The following ATP1B3 variants were observed in gnomAD, a reference collection of about 807,000 sequenced individuals.
The protein encoded by ATP1B3 is sodium/potassium-transporting ATPase subunit beta-3.
Under a neutral mutation model 30.2 loss-of-function variants are expected in ATP1B3, and 10 were observed. That is an observed-to-expected ratio of 0.33 (90% CI 0.20 to 0.56). ATP1B3 has a LOEUF of 0.56. Ranked by LOEUF, ATP1B3 falls within the 20% of genes least tolerant of loss-of-function variation. The probability of loss-of-function intolerance (pLI) is 0.90; values close to 1 mark genes in which losing one functional copy is unlikely to be tolerated. For synonymous variants in ATP1B3, 113 were observed against 117.0 expected (o/e 0.97, Z 0.22); for missense variants, 238 against 336.7 (o/e 0.71, Z 2.29).
intron 5 of ATP1B3, among the ~76,000 whole-genome samples, chr3:141,919,226 A>T (rs978754156): frequency 6.6e-6 from 1 of 150,450 alleles, no homozygotes; most frequent in African/African-American, 2.4e-5. Context: ...TTGTTTTTAT[A>T]CAAGTTAGAG....
At chr3:141,920,853 A>G (rs1934552433) in intron 5 of ATP1B3, among the ~76,000 whole-genome samples, 1 of 152,054 alleles carries the variant, frequency 6.6e-6, no homozygotes, top group Non-Finnish European at 1.5e-5. Context: ...CATATTCATC[A>G]TCTGGATCAT....
At chr3:141,879,322 T>C (rs1187072482) in intron 1 of ATP1B3, among the ~76,000 whole-genome samples, 1 of 152,338 alleles carries the variant, frequency 6.6e-6, no homozygotes, top group African/African-American at 2.4e-5. Flanking sequence ...ATGGGATTTC[T>C]AGGCCATTCA....
chr3:141,885,910 CA>C (rs1199503301), intron 1 of ATP1B3, among the ~76,000 whole-genome samples: 5 of 151,538 alleles, frequency 3.3e-5, no homozygotes, highest in African/African-American at 1.2e-4. Context: ...CACACACACA[CA>C]CACACACACA....
intron 1 of ATP1B3, among the ~76,000 whole-genome samples, chr3:141,902,539 C>T (rs1180280557): frequency 6.6e-6 from 1 of 152,190 alleles, no homozygotes; most frequent in Non-Finnish European, 1.5e-5. Flanking sequence ...TACTTGTTGG[C>T]AGCCACTTCT....
intron 1 of ATP1B3, 149 bp downstream of exon 1, chr3:141,877,059 G>A: frequency 2.3e-6 from 1 of 437,554 alleles, no homozygotes; most frequent in South Asian, 8.2e-5. Flanking sequence ...GGCGCAGTGC[G>A]GCCCCATTCA....
chr3:141,911,708 T>C (rs1334740991), intron 3 of ATP1B3, among the ~76,000 whole-genome samples: 1 of 152,210 alleles, frequency 6.6e-6, no homozygotes, highest in Admixed American at 6.5e-5. Context: ...TTGGCCAGGC[T>C]GGCCTCAAAC....
chr3:141,892,248 G>T (rs1933967668), intron 1 of ATP1B3, among the ~76,000 whole-genome samples: 1 of 152,070 alleles, frequency 6.6e-6, no homozygotes, highest in Non-Finnish European at 1.5e-5. Context: ...TAAATACACA[G>T]TATCTTCACC....
Position 141,925,759 on chromosome 3 carries a change from A to C in ATP1B3, c.*58A>C. 6.4e-7 allele frequency: 1 copy of C among 1,556,376 alleles called. No homozygotes were observed. Among genetic ancestry groups the C allele is most frequent in the Non-Finnish European group, 8.7e-7 (1 of 1,150,078 alleles). On this transcript the variant is annotated 3_prime_UTR_variant, in exon 7 of 7. Transcript: ENST00000286371. ...GTGTTGTCTGTCTTCATTTTGTAAC[A>C]GCTGGACCTTCCATTCTAGAATTAT...
At chr3:141,922,435 C>A (rs1323557719) in intron 6 of ATP1B3, among the ~76,000 whole-genome samples, 2 of 150,704 alleles carry the variant, frequency 1.3e-5, no homozygotes, top group African/African-American at 4.9e-5. Context: ...GGCGCATTAC[C>A]TGAGGTCAGG....
In ATP1B3 at chr3:141,879,139, A is replaced by T. The variant is rs149937457; in HGVS notation, c.109+2229A>T. 3.4e-3 allele frequency among the ~76,000 whole-genome samples: 515 copies of T among 152,292 alleles called. 3 individuals carry two copies. The highest frequency in any genetic ancestry group is 0.011 in the African/African-American group (471 of 41,552). On this transcript the variant is annotated intron_variant, in intron 1 of 6. Transcript: ENST00000286371. Reference sequence around the variant, plus strand: ...TAACATTCTGGTATATATGTTACTGAATTGTGTATAACATTTTTTTTAAAA... The same window carrying T: ...TAACATTCTGGTATATATGTTACTGTATTGTGTATAACATTTTTTTTAAAA...
At chr3:141,882,907 A>G (rs987920155) in intron 1 of ATP1B3, among the ~76,000 whole-genome samples, 5 of 152,110 alleles carry the variant, frequency 3.3e-5, no homozygotes, top group Admixed American at 3.3e-4. Context: ...TAATGTTCTT[A>G]TAACCACCTG....
chr3:141,918,704 T>G (rs143609142), intron 5 of ATP1B3: 2 of 152,368 alleles, frequency 1.3e-5, no homozygotes, highest in Admixed American at 1.3e-4. Flanking sequence ...CCCAAAGTAC[T>G]GGGGTAACAG....
intron 1 of ATP1B3, among the ~76,000 whole-genome samples, chr3:141,885,921 A>C (rs972319029): frequency 7.4e-5 from 11 of 147,992 alleles, no homozygotes; most frequent in East Asian, 4.0e-4. Context: ...ACACACACAC[A>C]CACCCCTGTA....
chr3:141,917,620 G>C (rs1229102891), intron 5 of ATP1B3, among the ~76,000 whole-genome samples: 2 of 151,904 alleles, frequency 1.3e-5, no homozygotes, highest in African/African-American at 4.8e-5. Context: ...CTTGAACCTG[G>C]GAGGTGGAGG....
intron 3 of ATP1B3, among the ~76,000 whole-genome samples, chr3:141,912,021 G>A (rs779466722): frequency 7.2e-5 from 11 of 152,194 alleles, no homozygotes; most frequent in Non-Finnish European, 1.6e-4. Context: ...AGCCCTTGGG[G>A]AAATTGGTGA....
chr3:141,914,626 A>G (rs904191852), intron 4 of ATP1B3, among the ~76,000 whole-genome samples: 2 of 152,208 alleles, frequency 1.3e-5, no homozygotes, highest in African/African-American at 4.8e-5. Context: ...TTGAAGAGTG[A>G]AGTCATTCAT....
rs888883412 is a variant in ATP1B3 at position 141,925,764 on chromosome 3, G to A, written c.*63G>A. ...GTCTGTCTTCATTTTGTAACAGCTG[G>A]ACCTTCCATTCTAGAATTATGAGAC... is the stretch of plus-strand genomic sequence containing the variant. On this transcript the variant is annotated 3_prime_UTR_variant, in exon 7 of 7. Transcript: ENST00000286371. The A allele has an allele frequency of 4.0e-5, 62 of 1,550,778 alleles. No individual in the cohort carries two copies. Among genetic ancestry groups the A allele is most frequent in the Non-Finnish European group, 5.3e-5 (61 of 1,146,596 alleles).
At chr3:141,906,594 T>G (rs16851937) in intron 2 of ATP1B3, among the ~76,000 whole-genome samples, 7,154 of 152,296 alleles carry the variant, frequency 0.047, 561 homozygotes, top group African/African-American at 0.16. Context: ...GGTGTCAACT[T>G]CTGATAGGAA....
chr3:141,882,630 C>CTGGA (rs1331404133), intron 1 of ATP1B3, among the ~76,000 whole-genome samples: 41 of 152,218 alleles, frequency 2.7e-4, no homozygotes, highest in Admixed American at 2.5e-3. Context: ...GTTGCCCAGG[C>CTGGA]TGGAGTGCAA....
Sources: gnomAD v4.1 joint callset for allele counts (sites outside exome capture counted in the v4.1 genomes callset) on GRCh38, gnomAD v4.1.1 for gene constraint, MANE v1.5 for transcripts, NCBI Gene and HGNC (gene_info 2026-07-23, HGNC 2026-07-21) for gene names.